The following DCC variants were observed in gnomAD, a reference collection of about 807,000 sequenced individuals.
The protein encoded by DCC is DCC netrin 1 receptor, also known as netrin receptor DCC.
A neutral mutation model predicts 172.5 loss-of-function variants in DCC; 58 were observed. That is an observed-to-expected ratio of 0.34 (90% confidence interval 0.27 to 0.42). DCC has a LOEUF of 0.42. DCC is among the 10% of genes least tolerant of loss of function. The pLI is 1.00. For synonymous variants in DCC, 709 were observed against 644.5 expected (o/e 1.10, Z -1.52); for missense variants, 1,740 against 1,791.0 (o/e 0.97, Z 0.51).
At chr18:52,665,909 A>G (rs1319730616) in intron 1 of DCC, among the ~76,000 whole-genome samples, 1 of 152,236 alleles carries the variant, frequency 6.6e-6, no homozygotes, top group Non-Finnish European at 1.5e-5. Context: ...ACTTGCTCAA[A>G]TTAATTCACC....
At chr18:53,496,687 C>T (rs2046027860) in intron 26 of DCC, among the ~76,000 whole-genome samples, 1 of 152,130 alleles carries the variant, frequency 6.6e-6, no homozygotes, top group African/African-American at 2.4e-5. Flanking sequence ...TGTTCTAACC[C>T]AATGCAAGGA....
At chr18:52,964,839 C>T (rs530227634) in intron 5 of DCC, among the ~76,000 whole-genome samples, 1 of 152,282 alleles carries the variant, frequency 6.6e-6, no homozygotes, top group South Asian at 2.1e-4. Context: ...AGGCTGCAGT[C>T]TTCTAGGTGC....
Position 52,921,684 on chromosome 18 carries a change from G to C in DCC, c.698-2023G>C, listed in dbSNP as rs920793445. Reference sequence around the variant, plus strand: ...ACTGCACTCCAGCCTGGGTGACAGAGAGGCTCCATCTCAAAAATAAAAATA... The same window carrying C: ...ACTGCACTCCAGCCTGGGTGACAGACAGGCTCCATCTCAAAAATAAAAATA... On this transcript the variant is annotated intron_variant, in intron 3 of 28. Coordinates refer to ENST00000442544, the MANE Select transcript of DCC (RefSeq NM_005215.4). Among the ~76,000 whole-genome samples the C allele has an allele frequency of 2.7e-5, 4 of 145,710 alleles. No homozygotes were observed. In the East Asian group the frequency reaches 8.1e-4, roughly 30 times the overall value.
intron 1 of DCC, among the ~76,000 whole-genome samples, chr18:52,695,263 G>C (rs1396528207): frequency 6.6e-6 from 1 of 152,100 alleles, no homozygotes; most frequent in Non-Finnish European, 1.5e-5. Context: ...TAATTACTTT[G>C]TATTACTTTA....
chr18:53,453,137 G>A (rs1251724133), intron 23 of DCC, among the ~76,000 whole-genome samples: 1 of 152,064 alleles, frequency 6.6e-6, no homozygotes, highest in Non-Finnish European at 1.5e-5. Flanking sequence ...CGATGGTCTT[G>A]ATCTCCTGAC....
At chr18:53,282,019 A>G (rs1332509395) in intron 12 of DCC, among the ~76,000 whole-genome samples, 2 of 151,904 alleles carry the variant, frequency 1.3e-5, no homozygotes. Flanking sequence ...ATTTCTCCTT[A>G]TAGCCTTTGC....
At chr18:53,325,623 ATC>A (rs1326684308) in intron 14 of DCC, among the ~76,000 whole-genome samples, 2 of 152,230 alleles carry the variant, frequency 1.3e-5, no homozygotes, top group Non-Finnish European at 2.9e-5. Flanking sequence ...TCAATCAAGA[ATC>A]TCTATGCCAT....
chr18:52,427,423 G>A (rs1428399241), intron 1 of DCC, among the ~76,000 whole-genome samples: 1 of 152,044 alleles, frequency 6.6e-6, no homozygotes, highest in Non-Finnish European at 1.5e-5. Flanking sequence ...GATATGGAAG[G>A]AAGGAAAGAG....
intron 1 of DCC, among the ~76,000 whole-genome samples, chr18:52,474,236 GAGAGAGAA>G (rs777530995): frequency 0.23 from 30,865 of 133,670 alleles, 3,992 homozygotes; most frequent in Middle Eastern, 0.34. Context: ...GAGAGAGAGA[GAGAGAGAA>G]AGAGAGAGAA....
At chr18:52,783,531 T>C (rs2037594498) in intron 2 of DCC, among the ~76,000 whole-genome samples, 1 of 149,744 alleles carries the variant, frequency 6.7e-6, no homozygotes, top group Admixed American at 6.6e-5. Flanking sequence ...GATAGTATTA[T>C]TTTTTCTGTA....
chr18:53,382,033 G>A (rs17504871), intron 15 of DCC, among the ~76,000 whole-genome samples: 65,473 of 148,922 alleles, frequency 0.44, 16,036 homozygotes, highest in Non-Finnish European at 0.57. Context: ...GCCAAATCTA[G>A]CCGTTTTTCT....
At chr18:52,984,277 T>C (rs1008438716) in intron 5 of DCC, among the ~76,000 whole-genome samples, 4 of 152,130 alleles carry the variant, frequency 2.6e-5, no homozygotes, top group Admixed American at 6.6e-5. Flanking sequence ...TTTTTCTCTA[T>C]AGATAAATTT....
At chr18:53,173,140 A>G (rs2055038533) in intron 8 of DCC, among the ~76,000 whole-genome samples, 1 of 152,136 alleles carries the variant, frequency 6.6e-6, no homozygotes, top group Admixed American at 6.6e-5. Context: ...CAATTTGCTG[A>G]CCTAAATGAT....
At chr18:52,599,267 T>C (rs986491533) in intron 1 of DCC, among the ~76,000 whole-genome samples, 5 of 152,254 alleles carry the variant, frequency 3.3e-5, no homozygotes, top group African/African-American at 1.2e-4. Flanking sequence ...GTGGTATAAA[T>C]AATACAGCAG....
intron 23 of DCC, among the ~76,000 whole-genome samples, chr18:53,457,578 T>A (rs1568144322): frequency 6.6e-6 from 1 of 152,180 alleles, no homozygotes; most frequent in Admixed American, 6.5e-5. Flanking sequence ...AGTTTGAGAA[T>A]GACATTACAT....
At chr18:52,420,755 C>G (rs758770034) in intron 1 of DCC, among the ~76,000 whole-genome samples, 2 of 151,944 alleles carry the variant, frequency 1.3e-5, no homozygotes, top group Non-Finnish European at 2.9e-5. Context: ...TGGGAACATT[C>G]TTGGTGGGAG....
At chr18:52,536,410 A>G (rs1035744740) in intron 1 of DCC, among the ~76,000 whole-genome samples, 6 of 152,122 alleles carry the variant, frequency 3.9e-5, no homozygotes, top group Admixed American at 3.9e-4. Context: ...TCTTCCAAAA[A>G]AGGACTTTTA....
chr18:53,090,521 G>C (rs577119265), intron 7 of DCC, among the ~76,000 whole-genome samples: 1 of 150,768 alleles, frequency 6.6e-6, no homozygotes, highest in Non-Finnish European at 1.5e-5. Context: ...GTGAAATTCC[G>C]TCTCTACTAA....
At chr18:53,404,906 A>G (rs1909565485) in intron 19 of DCC, among the ~76,000 whole-genome samples, 2 of 152,078 alleles carry the variant, frequency 1.3e-5, no homozygotes, top group Admixed American at 1.3e-4. Flanking sequence ...CTCACAGTGG[A>G]AAAATAAAAG....
Sources: allele counts gnomAD v4.1 joint callset (sites outside exome capture counted in the v4.1 genomes callset), GRCh38; gene constraint gnomAD v4.1.1; transcripts MANE v1.5; gene names NCBI Gene and HGNC (gene_info 2026-07-23, HGNC 2026-07-21).